Variants in TSPEAR observed in about 807,000 individuals in gnomAD.
TSPEAR encodes thrombospondin type laminin G domain and EAR repeats.
Under a neutral mutation model 71.6 loss-of-function variants are expected in TSPEAR, and 69 were observed. The ratio of observed to expected loss-of-function variants is 0.96; its 90% CI spans 0.79 to 1.18. The LOEUF (loss-of-function observed/expected upper bound fraction) is 1.18. Ranked by LOEUF, TSPEAR falls within the 50% of genes most tolerant of loss-of-function variation. The pLI, the probability that TSPEAR is intolerant of heterozygous loss-of-function variation, is 0.00. For missense variants in TSPEAR, 971 were observed against 894.9 expected (o/e 1.09, Z -1.09); for synonymous variants, 402 against 387.2 (o/e 1.04, Z -0.45).
At chr21:44,604,260 G>A (rs1270751483) in intron 1 of TSPEAR, among the ~76,000 whole-genome samples, 5 of 152,180 alleles carry the variant, frequency 3.3e-5, no homozygotes, top group African/African-American at 1.2e-4. Flanking sequence ...GTTGACTTCT[G>A]TTGGTTTCTG....
intron 1 of TSPEAR, chr21:44,682,305 T>C (rs1433324763): frequency 6.9e-6 from 5 of 721,844 alleles, no homozygotes; most frequent in Non-Finnish European, 9.1e-6. Context: ...GTAGATGATG[T>C]TTTTTATCTG....
chr21:44,702,654 C>T (rs1447580183), intron 1 of TSPEAR: 1 of 1,576,674 alleles, frequency 6.3e-7, no homozygotes, highest in African/African-American at 1.4e-5. Context: ...CCACCTGCTG[C>T]ATGCCCGTCC....
intron 8 of TSPEAR, among the ~76,000 whole-genome samples, chr21:44,522,415 C>T (rs2052754213): frequency 6.6e-6 from 1 of 152,218 alleles, no homozygotes; most frequent in African/African-American, 2.4e-5. Flanking sequence ...CCCACCGTGT[C>T]CTGGCCCCGC....
Position 44,567,770 on chromosome 21 carries a change from G to T in TSPEAR, c.303+15C>A. On this transcript the variant is annotated intron_variant, in intron 2 of 11. Coordinates refer to ENST00000323084, the MANE Select transcript of TSPEAR (RefSeq NM_144991.3). ...TTACGCTATTATAACACGAAGTGCA[G>T]AAAGTGCCACTGACCTTGGGTGGAA... The T allele has an allele frequency of 2.6e-6, 4 of 1,545,514 alleles. No individual in the cohort carries two copies. The highest frequency in any genetic ancestry group is 3.5e-6 in the Non-Finnish European group (4 of 1,141,502).
At chr21:44,524,326 G>A (rs1469047800) in intron 8 of TSPEAR, among the ~76,000 whole-genome samples, 1 of 152,106 alleles carries the variant, frequency 6.6e-6, no homozygotes, top group Admixed American at 6.5e-5. Flanking sequence ...TAGTTAGTCA[G>A]TCAGATAGTA....
At chr21:44,517,101 GAC>G (rs2052598189) in intron 9 of TSPEAR, 1 of 152,490 alleles carries the variant, frequency 6.6e-6, no homozygotes, top group South Asian at 2.1e-4. Context: ...GCCATCCCTG[GAC>G]ACACTTTGTG....
chr21:44,538,086 A>G (rs2053121860), intron 2 of TSPEAR, among the ~76,000 whole-genome samples: 1 of 152,154 alleles, frequency 6.6e-6, no homozygotes, highest in African/African-American at 2.4e-5. Context: ...CACCATGTCC[A>G]TCAGGCTGCG....
chr21:44,505,858 G>A (rs2052186317), intron 10 of TSPEAR, among the ~76,000 whole-genome samples: 1 of 152,064 alleles, frequency 6.6e-6, no homozygotes, highest in African/African-American at 2.4e-5. Context: ...GAATGCTGCT[G>A]CTATGAACAC....
intron 1 of TSPEAR, among the ~76,000 whole-genome samples, chr21:44,603,037 T>G (rs1170794556): frequency 7.4e-6 from 1 of 135,708 alleles, no homozygotes; most frequent in African/African-American, 2.6e-5. Flanking sequence ...AGTGCTTCCT[T>G]TGACTCCTGC....
At position 44,527,470 on chromosome 21, in the gene TSPEAR, T is replaced by C. The variant is rs1555915102; in HGVS notation, c.971A>G (p.Asn324Ser). 5 of 1,614,052 alleles carry C rather than the reference T, an allele frequency of 3.1e-6. No individual in the cohort carries two copies. Among genetic ancestry groups the C allele is most frequent in the African/African-American group, 2.7e-5 (2 of 74,908 alleles). The change falls in exon 7 of 12, where the codon AAC becomes AGC. Residue 324 changes from asparagine (N) to serine (S), a missense_variant. Coordinates refer to ENST00000323084, the MANE Select transcript of TSPEAR (RefSeq NM_144991.3). Reference sequence around the variant, plus strand: ...CACCTCAATGCCCAGGGTCTCTGAGTTGGTGGACAAGTTCTGATGCTCCTC... The same window carrying C: ...CACCTCAATGCCCAGGGTCTCTGAGCTGGTGGACAAGTTCTGATGCTCCTC... Reference protein sequence around the residue: ...YVEEHQNLSTNSETLGIEVFR... With the variant: ...YVEEHQNLSTSSETLGIEVFR...
intron 11 of TSPEAR, among the ~76,000 whole-genome samples, chr21:44,503,226 GCCGGC>G (rs1555911368): frequency 2.2e-5 from 3 of 136,522 alleles, no homozygotes; most frequent in African/African-American, 8.6e-5. Context: ...CTGGGAGGAG[GCCGGC>G]CTTGGTGAGC....
chr21:44,603,656 G>A (rs7278074), intron 1 of TSPEAR, among the ~76,000 whole-genome samples: 6,511 of 152,260 alleles, frequency 0.043, 339 homozygotes, highest in African/African-American at 0.12. Flanking sequence ...GCAAGAGGAA[G>A]GGCGTGCCAG....
chr21:44,628,306 C>T, intron 1 of TSPEAR: 1 of 379,234 alleles, frequency 2.6e-6, no homozygotes. Flanking sequence ...GGGACGGGCC[C>T]TCCTGACCCG....
intron 1 of TSPEAR, chr21:44,702,437 G>GCTGCACCTCCTCCCCAAGCCAGCAGTC (rs1555951690): frequency 1.2e-6 from 2 of 1,610,626 alleles, no homozygotes; most frequent in African/African-American, 2.7e-5. Context: ...CAGCCAGCTT[G>GCTGCACCTCCTCCCCAAGCCAGCAGTC]CTGCACCTCC....
At chr21:44,618,132 T>A (rs1982225644) in intron 1 of TSPEAR, among the ~76,000 whole-genome samples, 1 of 152,122 alleles carries the variant, frequency 6.6e-6, no homozygotes, top group Non-Finnish European at 1.5e-5. Context: ...CATCCCCAGG[T>A]GTTGAGGGAG....
chr21:44,637,612 C>T (rs1555937151), intron 1 of TSPEAR: 16 of 1,613,850 alleles, frequency 9.9e-6, no homozygotes, highest in Non-Finnish European at 1.4e-5. Context: ...GCCAATCAGG[C>T]TACACCAGCT....
chr21:44,535,772 G>A (rs2053079033), intron 2 of TSPEAR, among the ~76,000 whole-genome samples: 2 of 152,012 alleles, frequency 1.3e-5, no homozygotes. Context: ...CACCATGTTA[G>A]CCAGGCTGGT....
intron 2 of TSPEAR, among the ~76,000 whole-genome samples, chr21:44,556,094 C>T (rs587617078): frequency 6.6e-5 from 10 of 152,338 alleles, no homozygotes; most frequent in African/African-American, 1.9e-4. Flanking sequence ...ATTAAGAAGT[C>T]GTGCCGGGCA....
At chr21:44,512,394 GAGAC>G (rs1264159662) in intron 9 of TSPEAR, among the ~76,000 whole-genome samples, 3 of 152,088 alleles carry the variant, frequency 2.0e-5, no homozygotes, top group Non-Finnish European at 2.9e-5. Context: ...GGTGGTCTTG[GAGAC>G]AGGCTTCTGG....
Sources: gnomAD v4.1 joint callset for allele counts (sites outside exome capture counted in the v4.1 genomes callset) on GRCh38, gnomAD v4.1.1 for gene constraint, MANE v1.5 for transcripts, NCBI Gene and HGNC (gene_info 2026-07-23, HGNC 2026-07-21) for gene names.